The following NRG3 variants were observed in gnomAD, a reference collection of about 807,000 sequenced individuals.
NRG3 encodes the protein neuregulin 3, also known as pro-neuregulin-3, membrane-bound isoform.
Under a neutral mutation model 66.9 loss-of-function variants are expected in NRG3, and 31 were observed. The ratio of observed to expected loss-of-function variants is 0.46; its 90% CI spans 0.35 to 0.63. The LOEUF is 0.63. Among genes scored for constraint, NRG3 ranks in the 20% least tolerant of loss-of-function variants. The pLI is 0.00. For missense variants in NRG3, 910 were observed against 878.9 expected (o/e 1.04, Z -0.45); for synonymous variants, 393 against 359.4 (o/e 1.09, Z -1.06).
intron 4 of NRG3, among the ~76,000 whole-genome samples, chr10:82,893,355 A>G (rs902378647): frequency 1.3e-5 from 2 of 152,230 alleles, no homozygotes; most frequent in Non-Finnish European, 2.9e-5. Flanking sequence ...TAATTCTTAG[A>G]ACTAGAAGTA....
intron 1 of NRG3, among the ~76,000 whole-genome samples, chr10:82,271,953 C>T (rs926468538): frequency 6.6e-6 from 1 of 151,982 alleles, no homozygotes; most frequent in African/African-American, 2.4e-5. Context: ...GGCCAAGGTT[C>T]TATTCTAGAT....
chr10:82,665,153 A>G (rs1302896604), intron 2 of NRG3, among the ~76,000 whole-genome samples: 1 of 152,008 alleles, frequency 6.6e-6, no homozygotes, highest in African/African-American at 2.4e-5. Context: ...ACCTGATTGC[A>G]CCTTGTTGAC....
chr10:82,788,634 A>G lies in NRG3; in HGVS notation c.1027+49984A>G, dbSNP rs571859004. 5.3e-5 allele frequency among the ~76,000 whole-genome samples: 8 copies of G among 152,258 alleles called. No individual in the cohort carries two copies. The South Asian group carries it at 1.7e-3, about 32-fold the overall frequency. Reference sequence around the variant, plus strand: ...ATAAACTATCTCCTTTGAGAAGACAAAGGAGAAAATAAGATATATTAAGCT... The same window carrying G: ...ATAAACTATCTCCTTTGAGAAGACAGAGGAGAAAATAAGATATATTAAGCT... On this transcript the variant is annotated intron_variant, in intron 3 of 8. Coordinates refer to ENST00000372141, the MANE Select transcript of NRG3 (RefSeq NM_001010848.4).
intron 3 of NRG3, among the ~76,000 whole-genome samples, chr10:82,754,538 G>GA (rs5786572): frequency 0.024 from 2,843 of 118,058 alleles, 78 homozygotes; most frequent in African/African-American, 0.068. Context: ...GGGGGGAAAA[G>GA]AAAAAAAAAA....
chr10:82,284,390 T>C (rs1181955159), intron 1 of NRG3, among the ~76,000 whole-genome samples: 1 of 152,218 alleles, frequency 6.6e-6, no homozygotes, highest in African/African-American at 2.4e-5. Flanking sequence ...AGATGCTTGT[T>C]ACACACAGAT....
chr10:82,951,661 G>A, intron 5 of NRG3, 90 bp downstream of exon 5: 1 of 1,066,138 alleles, frequency 9.4e-7, no homozygotes. Context: ...GCCACACAGA[G>A]GGAACCTGTG....
At chr10:82,879,461 T>C (rs1032279224) in intron 4 of NRG3, among the ~76,000 whole-genome samples, 1 of 137,762 alleles carries the variant, frequency 7.3e-6, no homozygotes, top group African/African-American at 2.8e-5. Flanking sequence ...ATTAATCTAA[T>C]GAAGACTTTT....
In NRG3 at chr10:82,589,641, A is replaced by G. The variant is rs779664232; in HGVS notation, c.954-148936A>G. Among the ~76,000 whole-genome samples, 125 of 152,304 alleles carry G rather than the reference A, an allele frequency of 8.2e-4. No homozygotes were observed. In the Middle Eastern group the frequency reaches 0.01, roughly 12 times the overall value. On this transcript the variant is annotated intron_variant, in intron 2 of 8. Coordinates refer to ENST00000372141, the MANE Select transcript of NRG3 (RefSeq NM_001010848.4). The stretch of plus-strand genomic sequence containing the variant: ...AAAAAAATGCATTAAGTAGGTGGAC[A>G]GGGGCTTTGATTTTCCCTCCCTTTG...
At chr10:82,966,192 G>A (rs1172781968) in intron 6 of NRG3, among the ~76,000 whole-genome samples, 1 of 152,092 alleles carries the variant, frequency 6.6e-6, no homozygotes, top group Admixed American at 6.5e-5. Flanking sequence ...AATTGCTATT[G>A]TTTATTCTGA....
At chr10:82,932,592 G>A (rs1592004647) in intron 4 of NRG3, among the ~76,000 whole-genome samples, 1 of 152,044 alleles carries the variant, frequency 6.6e-6, no homozygotes, top group African/African-American at 2.4e-5. Context: ...GGCTCTCTGT[G>A]GCCAGCATCC....
At chr10:81,933,634 G>C (rs551609020) in intron 1 of NRG3, among the ~76,000 whole-genome samples, 2 of 151,990 alleles carry the variant, frequency 1.3e-5, no homozygotes, top group South Asian at 4.2e-4. Flanking sequence ...TTGTTTCTAC[G>C]GTACTCTATA....
At chr10:82,791,745 C>G (rs180851761) in intron 3 of NRG3, among the ~76,000 whole-genome samples, 33 of 152,298 alleles carry the variant, frequency 2.2e-4, no homozygotes, top group Admixed American at 2.0e-3. Context: ...CTTGTTTGCC[C>G]CAACTTGCTT....
chr10:82,894,501 T>C (rs1843460184), intron 4 of NRG3, among the ~76,000 whole-genome samples: 1 of 152,200 alleles, frequency 6.6e-6, no homozygotes. Context: ...TTCTTTGTCA[T>C]CCGTAATACC....
chr10:81,942,098 A>G (rs1848452886), intron 1 of NRG3, among the ~76,000 whole-genome samples: 1 of 152,078 alleles, frequency 6.6e-6, no homozygotes. Context: ...TGCTTGGTAA[A>G]GGAAGATTTA....
chr10:82,149,377 A>C lies in NRG3; in HGVS notation c.824-209362A>C, dbSNP rs969041219. On this transcript the variant is annotated intron_variant, in intron 1 of 8. Transcript: ENST00000372141. Reference sequence around the variant, plus strand: ...AAGAATTAAAAAGTTAATATAATTGATTAGCTAGGATGCCCTCACTCTTGT... The same window carrying C: ...AAGAATTAAAAAGTTAATATAATTGCTTAGCTAGGATGCCCTCACTCTTGT... Among the ~76,000 whole-genome samples the C allele has an allele frequency of 2.6e-5, 4 of 152,166 alleles. No individual in the cohort carries two copies. The South Asian group carries it at 6.2e-4, about 24-fold the overall frequency.
intron 2 of NRG3, among the ~76,000 whole-genome samples, chr10:82,615,900 A>C (rs907397025): frequency 6.6e-6 from 1 of 152,212 alleles, no homozygotes; most frequent in Admixed American, 6.5e-5. Flanking sequence ...CTTTTCTTGC[A>C]GCAGACTACT....
intron 2 of NRG3, among the ~76,000 whole-genome samples, chr10:82,462,841 A>G (rs2091584140): frequency 6.6e-6 from 1 of 152,198 alleles, no homozygotes; most frequent in Non-Finnish European, 1.5e-5. Flanking sequence ...GATCTTGCAA[A>G]GTGGGTAGGC....
intron 1 of NRG3, among the ~76,000 whole-genome samples, chr10:81,946,968 G>A: frequency 6.6e-6 from 1 of 152,146 alleles, no homozygotes; most frequent in East Asian, 1.9e-4. Flanking sequence ...ACCACAAACT[G>A]GGTGGCTTAG....
chr10:82,822,155 A>G (rs1330335094), intron 3 of NRG3, among the ~76,000 whole-genome samples: 1 of 152,128 alleles, frequency 6.6e-6, no homozygotes, highest in Non-Finnish European at 1.5e-5. Flanking sequence ...TGCAAACTGG[A>G]CTTATAATGA....
Sources: gnomAD v4.1 joint callset for allele counts (sites outside exome capture counted in the v4.1 genomes callset) on GRCh38, gnomAD v4.1.1 for gene constraint, MANE v1.5 for transcripts, NCBI Gene and HGNC (gene_info 2026-07-23, HGNC 2026-07-21) for gene names.